The following WDR7 variants were observed in gnomAD, a reference collection of about 807,000 sequenced individuals.
WDR7 encodes WD repeat-containing protein 7.
WDR7 carries 46 observed loss-of-function variants against 169.4 expected under a neutral mutation model. The observed-to-expected ratio is 0.27, with a 90% CI of 0.21 to 0.35. The LOEUF (loss-of-function observed/expected upper bound fraction) is 0.35, where lower values mean the gene tolerates loss of function less well. Among genes scored for constraint, WDR7 ranks in the 10% least tolerant of loss-of-function variants. The pLI, the probability that WDR7 is intolerant of heterozygous loss-of-function variation, is 1.00. For synonymous variants in WDR7, 612 were observed against 666.8 expected (o/e 0.92, Z 1.27); for missense variants, 1,534 against 1,859.3 (o/e 0.83, Z 3.22).
At chr18:56,837,141 A>G (rs2045408419) in intron 20 of WDR7, among the ~76,000 whole-genome samples, 1 of 152,238 alleles carries the variant, frequency 6.6e-6, no homozygotes, top group Non-Finnish European at 1.5e-5. Context: ...TTGAAAAACA[A>G]ACGTGACCAT....
chr18:56,687,002 G>A, intron 7 of WDR7, 28 bp downstream of exon 7: 1 of 1,585,872 alleles, frequency 6.3e-7, no homozygotes, highest in Non-Finnish European at 8.6e-7. Flanking sequence ...ATAAGAAGCT[G>A]TATTTTTATC....
intron 23 of WDR7, among the ~76,000 whole-genome samples, chr18:56,936,591 T>G (rs1284920602): frequency 6.6e-6 from 1 of 152,192 alleles, no homozygotes; most frequent in East Asian, 1.9e-4. Flanking sequence ...TTGTTTTTCC[T>G]GTAGCTATGA....
chr18:56,691,231 G>C lies in WDR7; in HGVS notation c.733G>C (p.Asp245His). ...TTCCTTGCAGGTGTTCGATGCCGGAGACTATTCCTTGTTGTGTTCAGGTCC... is the reference window on the plus strand; with the variant it reads ...TTCCTTGCAGGTGTTCGATGCCGGACACTATTCCTTGTTGTGTTCAGGTCC... ...SKYWRVFDAG[D>H]YSLLCSGPSE... Residue 245 changes from aspartate to histidine, a missense_variant, in exon 8 of 28, where the codon GAC (aspartate) becomes CAC (histidine). By Grantham distance (81) the Asp-to-His change is moderately conservative. Coordinates refer to ENST00000254442, the MANE Select transcript of WDR7 (RefSeq NM_015285.3). 6.2e-7 allele frequency: 1 copy of C among 1,607,486 alleles called. No homozygotes were observed. The highest frequency in any genetic ancestry group is 8.5e-7 in the Non-Finnish European group (1 of 1,177,944).
At chr18:56,936,410 T>A (rs557276886) in intron 23 of WDR7, among the ~76,000 whole-genome samples, 2 of 152,340 alleles carry the variant, frequency 1.3e-5, no homozygotes, top group African/African-American at 4.8e-5. Flanking sequence ...CACATCTAAC[T>A]GGAAAACTAG....
At chr18:56,806,406 G>A (rs1218501885) in intron 19 of WDR7, among the ~76,000 whole-genome samples, 3 of 152,068 alleles carry the variant, frequency 2.0e-5, no homozygotes, top group South Asian at 2.1e-4. Context: ...CAGACTTTTA[G>A]AAAAGCGGTA....
chr18:56,660,265 G>A (rs982801940), intron 1 of WDR7, among the ~76,000 whole-genome samples: 3 of 152,164 alleles, frequency 2.0e-5, no homozygotes, highest in African/African-American at 7.2e-5. Context: ...AAAAGGAGAT[G>A]TTGAGTAGGA....
intron 19 of WDR7, among the ~76,000 whole-genome samples, chr18:56,801,511 T>G (rs985409248): frequency 6.6e-6 from 1 of 152,206 alleles, no homozygotes; most frequent in African/African-American, 2.4e-5. Context: ...AGCAGATAGA[T>G]CTTTAGGTTT....
At position 56,909,201 on chromosome 18, in the gene WDR7, T is replaced by A. The variant is rs2046521205; in HGVS notation, c.3527-14721T>A. On this transcript the variant is annotated intron_variant, in intron 21 of 27. Transcript: ENST00000254442. ...GGATTAGAATCCAGGTCTTACTTAATAGCTCTCTCCTACCATCCATAGATT... is the reference window on the plus strand; with the variant it reads ...GGATTAGAATCCAGGTCTTACTTAAAAGCTCTCTCCTACCATCCATAGATT... Among the ~76,000 whole-genome samples, 4 of 150,428 alleles carry A rather than the reference T, an allele frequency of 2.7e-5. No homozygotes were observed. The Admixed American group carries it at 2.7e-4, about 10-fold the overall frequency.
In WDR7 at chr18:56,811,638, T is replaced by C. The variant is rs180903865; in HGVS notation, c.3191-4393T>C. Among the ~76,000 whole-genome samples the C allele has an allele frequency of 2.6e-5, 4 of 152,280 alleles. No homozygotes were observed. The East Asian group carries it at 7.7e-4, about 29-fold the overall frequency. On this transcript the variant is annotated intron_variant, in intron 19 of 27. Transcript: ENST00000254442. ...TATTAGATTTCAGTCCATGATCTAC[T>C]TTGAGTTACTATTTATATAAATTAT... is the stretch of plus-strand genomic sequence containing the variant.
At chr18:56,902,775 A>G (rs1003959642) in intron 21 of WDR7, among the ~76,000 whole-genome samples, 14 of 152,224 alleles carry the variant, frequency 9.2e-5, no homozygotes, top group South Asian at 2.1e-4. Flanking sequence ...ACAGACAAGT[A>G]TGATGTTAAG....
At chr18:56,890,604 C>A (rs183892202) in intron 21 of WDR7, among the ~76,000 whole-genome samples, 1 of 152,284 alleles carries the variant, frequency 6.6e-6, no homozygotes, top group Admixed American at 6.5e-5. Flanking sequence ...GATATTCTTA[C>A]CATTCACAAA....
At chr18:57,013,317 C>T (rs569844429) in intron 26 of WDR7, among the ~76,000 whole-genome samples, 3 of 152,176 alleles carry the variant, frequency 2.0e-5, no homozygotes, top group Admixed American at 1.3e-4. Context: ...GGCCATGGAC[C>T]GGTACCAGTC....
chr18:56,841,304 G>A (rs2045482453), intron 20 of WDR7, among the ~76,000 whole-genome samples: 1 of 152,078 alleles, frequency 6.6e-6, no homozygotes, highest in South Asian at 2.1e-4. Context: ...CATTTTGGGA[G>A]GCTGAGGCAG....
chr18:56,866,514 AT>A (rs1048985605), intron 20 of WDR7, among the ~76,000 whole-genome samples: 3 of 151,762 alleles, frequency 2.0e-5, no homozygotes, highest in African/African-American at 7.3e-5. Flanking sequence ...ATTTCGAAAG[AT>A]TTTTTTTCTA....
At chr18:56,656,724 C>T (rs1032758953) in intron 1 of WDR7, among the ~76,000 whole-genome samples, 3 of 151,972 alleles carry the variant, frequency 2.0e-5, no homozygotes, top group African/African-American at 7.3e-5. Context: ...TTTGGCTCAG[C>T]TATTTATGTA....
intron 19 of WDR7, among the ~76,000 whole-genome samples, chr18:56,801,568 T>A (rs1245655481): frequency 6.6e-6 from 1 of 152,228 alleles, no homozygotes; most frequent in African/African-American, 2.4e-5. Context: ...ACAGAACGTT[T>A]GTAGCACTTC....
At chr18:56,671,693 G>C (rs1178616822) in intron 1 of WDR7, among the ~76,000 whole-genome samples, 2 of 152,204 alleles carry the variant, frequency 1.3e-5, no homozygotes, top group Admixed American at 6.5e-5. Context: ...GAGTGAGAAA[G>C]ACCACAGGTT....
At chr18:56,840,164 A>G (rs953118582) in intron 20 of WDR7, among the ~76,000 whole-genome samples, 29 of 152,136 alleles carry the variant, frequency 1.9e-4, no homozygotes, top group African/African-American at 6.8e-4. Context: ...TTATTAGGAG[A>G]GGAAGAGGGA....
At chr18:56,933,008 T>A (rs560941687) in intron 22 of WDR7, among the ~76,000 whole-genome samples, 6 of 152,274 alleles carry the variant, frequency 3.9e-5, no homozygotes, top group Admixed American at 2.6e-4. Context: ...GTGAGTTTGC[T>A]ATGATCCTGC....
Sources: gnomAD v4.1 joint callset for allele counts (sites outside exome capture counted in the v4.1 genomes callset) on GRCh38, gnomAD v4.1.1 for gene constraint, MANE v1.5 for transcripts, NCBI Gene and HGNC (gene_info 2026-07-23, HGNC 2026-07-21) for gene names.